METTL24: variants seen among roughly 807,000 people sequenced by gnomAD.
The protein encoded by METTL24 is probable methyltransferase-like protein 24.
Under a neutral mutation model 32.7 loss-of-function variants are expected in METTL24, and 29 were observed. The observed-to-expected ratio is 0.89, with a 90% confidence interval of 0.66 to 1.21. The LOEUF is 1.21. Ranked by LOEUF, METTL24 falls within the 50% of genes most tolerant of loss-of-function variation. The pLI, the probability that METTL24 is intolerant of heterozygous loss-of-function variation, is 0.00. For missense variants in METTL24, 439 were observed against 468.1 expected (o/e 0.94, Z 0.57); for synonymous variants, 163 against 179.5 (o/e 0.91, Z 0.73).
At chr6:110,295,006 TTTCTTTC>T (rs2114728159) in intron 4 of METTL24, among the ~76,000 whole-genome samples, 2 of 144,766 alleles carry the variant, frequency 1.4e-5, no homozygotes, top group African/African-American at 5.5e-5. Context: ...TCTTTTTTTC[TTTCTTTC>T]TTTTTTTTTT....
At chr6:110,252,694 G>A (rs1444377368) in intron 4 of METTL24, among the ~76,000 whole-genome samples, 1 of 152,120 alleles carries the variant, frequency 6.6e-6, no homozygotes, top group African/African-American at 2.4e-5. Flanking sequence ...GTAAAAGTGT[G>A]AGCCATCAAA....
intron 2 of METTL24, among the ~76,000 whole-genome samples, 191 bp downstream of exon 2, chr6:110,322,583 C>T (rs147684217): frequency 1.3e-5 from 2 of 152,292 alleles, no homozygotes; most frequent in Middle Eastern, 3.4e-3. Context: ...AAGGAACATG[C>T]CCTAGCAAAT....
At chr6:110,348,649 CGGATT>C in intron 1 of METTL24, among the ~76,000 whole-genome samples, 1 of 152,240 alleles carries the variant, frequency 6.6e-6, no homozygotes, top group East Asian at 1.9e-4. Flanking sequence ...GATTTGGGGA[CGGATT>C]CTGAAAACAT....
rs778046158 is a variant in METTL24, at chr6:110,246,288, G to C, written c.787-28C>G. 4 of 1,549,510 alleles carry C rather than the reference G, an allele frequency of 2.6e-6. No individual in the cohort carries two copies. In the South Asian group the frequency reaches 4.8e-5, roughly 18 times the overall value. On this transcript the variant is annotated intron_variant, in intron 4 of 4. Coordinates refer to ENST00000338882, the MANE Select transcript of METTL24 (RefSeq NM_001123364.3). The stretch of plus-strand genomic sequence containing the variant: ...GTAACAAAGCAATGAAATGAGATTA[G>C]CAGATTTAGTAAAACTATCTTGATA...
intron 3 of METTL24, among the ~76,000 whole-genome samples, chr6:110,309,082 T>C (rs985619065): frequency 3.3e-5 from 5 of 152,234 alleles, no homozygotes; most frequent in Non-Finnish European, 7.3e-5. Context: ...CTGTATATTT[T>C]AAATGGATGA....
chr6:110,293,482 T>G (rs1474596993), intron 4 of METTL24, among the ~76,000 whole-genome samples: 1 of 151,976 alleles, frequency 6.6e-6, no homozygotes, highest in East Asian at 1.9e-4. Context: ...TAGATTATCT[T>G]GAGTTTTCTA....
At chr6:110,262,002 C>A (rs1361718834) in intron 4 of METTL24, among the ~76,000 whole-genome samples, 2 of 152,006 alleles carry the variant, frequency 1.3e-5, no homozygotes, top group Non-Finnish European at 2.9e-5. Flanking sequence ...TAAATGCCCA[C>A]AAGAGAAAGC....
At chr6:110,270,481 G>A (rs1028008022) in intron 4 of METTL24, among the ~76,000 whole-genome samples, 1 of 152,024 alleles carries the variant, frequency 6.6e-6, no homozygotes, top group African/African-American at 2.4e-5. Context: ...CTAACCTGTC[G>A]CCATGAACAC....
intron 4 of METTL24, among the ~76,000 whole-genome samples, chr6:110,296,038 G>A (rs988583112): frequency 1.3e-5 from 2 of 152,110 alleles, no homozygotes; most frequent in Non-Finnish European, 2.9e-5. Context: ...GTGCCAGAGA[G>A]GTTAAATGAC....
chr6:110,319,579 G>A (rs537088081), intron 2 of METTL24, among the ~76,000 whole-genome samples: 2 of 152,090 alleles, frequency 1.3e-5, no homozygotes, highest in South Asian at 2.1e-4. Flanking sequence ...TATGGTTTGG[G>A]GGTTGCCATG....
At chr6:110,298,276 G>A (rs973494842) in intron 4 of METTL24, among the ~76,000 whole-genome samples, 1 of 152,104 alleles carries the variant, frequency 6.6e-6, no homozygotes, top group Non-Finnish European at 1.5e-5. Context: ...CAGTTAGCTC[G>A]GGTATACTAC....
At chr6:110,287,727 G>A (rs1310767940) in intron 4 of METTL24, among the ~76,000 whole-genome samples, 1 of 152,178 alleles carries the variant, frequency 6.6e-6, no homozygotes, top group Non-Finnish European at 1.5e-5. Flanking sequence ...GTTTTGTTTA[G>A]CAAGGTGCTG....
chr6:110,296,618 A>T (rs1582407979), intron 4 of METTL24, among the ~76,000 whole-genome samples: 1 of 152,234 alleles, frequency 6.6e-6, no homozygotes, highest in Non-Finnish European at 1.5e-5. Context: ...GAGTGGCTGG[A>T]ATCTACGTAT....
intron 3 of METTL24, among the ~76,000 whole-genome samples, chr6:110,312,637 GC>G (rs1227217191): frequency 2.0e-5 from 3 of 152,210 alleles, no homozygotes; most frequent in Non-Finnish European, 4.4e-5. Context: ...ATATGCTGGA[GC>G]TAAAAAGTTG....
rs1429991136 is a variant in METTL24 at position 110,358,110 on chromosome 6, C to T, written c.163G>A (p.Gly55Arg). The T allele has an allele frequency of 3.9e-6, 4 of 1,032,358 alleles. No individual in the cohort carries two copies. Among genetic ancestry groups the T allele is most frequent in the African/African-American group, 1.7e-5 (1 of 58,044 alleles). The allele number at this position is 1,032,358 out of a possible 1,614,324, so 63.9% of individuals were successfully genotyped here. ...APPGPAWRPP[G>R]PHLPPAPGQP... The stretch of plus-strand genomic sequence containing the variant: ...CCCGGCGCGGGCGGCAGGTGCGGCC[C>T]AGGTGGCCGCCAGGCCGGGCCCGGC... Residue 55 changes from glycine to arginine, a missense_variant, in exon 1 of 5, where the codon GGG becomes AGG. Physicochemically the swap from Gly to Arg is moderately radical, Grantham distance 125 (BLOSUM62 -2). Transcript: ENST00000338882.
At chr6:110,297,965 G>A (rs1771450277) in intron 4 of METTL24, among the ~76,000 whole-genome samples, 1 of 152,002 alleles carries the variant, frequency 6.6e-6, no homozygotes, top group Non-Finnish European at 1.5e-5. Context: ...AGGGGGAGGA[G>A]GGACAAGGAA....
At chr6:110,257,572 C>T (rs1269973663) in intron 4 of METTL24, among the ~76,000 whole-genome samples, 3 of 152,288 alleles carry the variant, frequency 2.0e-5, no homozygotes, top group Non-Finnish European at 4.4e-5. Flanking sequence ...GCAGCATCAC[C>T]GAGATGGCTC....
intron 4 of METTL24, among the ~76,000 whole-genome samples, chr6:110,263,543 G>A (rs770940428): frequency 4.6e-5 from 7 of 152,148 alleles, no homozygotes; most frequent in Non-Finnish European, 8.8e-5. Flanking sequence ...TGGCCATACT[G>A]CCCAAAGTAA....
intron 4 of METTL24, among the ~76,000 whole-genome samples, chr6:110,283,477 A>G (rs761418501): frequency 2.6e-5 from 4 of 152,198 alleles, no homozygotes; most frequent in Non-Finnish European, 5.9e-5. Context: ...TATAGAAAGG[A>G]GGGCAGCTGA....
Sources: allele counts gnomAD v4.1 joint callset (sites outside exome capture counted in the v4.1 genomes callset), GRCh38; gene constraint gnomAD v4.1.1; transcripts MANE v1.5; gene names NCBI Gene and HGNC (gene_info 2026-07-23, HGNC 2026-07-21).